The following SLC20A1 variants were observed in gnomAD, a reference collection of about 807,000 sequenced individuals.
The protein encoded by SLC20A1 is solute carrier family 20 member 1.
In SLC20A1, 28 loss-of-function variants were observed where a neutral mutation model predicts 62.7. The ratio of observed to expected loss-of-function variants is 0.45; its 90% CI spans 0.33 to 0.61. SLC20A1 has a LOEUF of 0.61. Ranked by LOEUF, SLC20A1 falls within the 20% of genes least tolerant of loss-of-function variation. SLC20A1 has a pLI of 0.02. For missense variants in SLC20A1, 673 were observed against 838.6 expected (o/e 0.80, Z 2.44); for synonymous variants, 305 against 302.9 (o/e 1.01, Z -0.07).
chr2:112,662,954 A>G lies in SLC20A1; in HGVS notation c.1969A>G (p.Thr657Ala). ...TAACATTTTTATGGCCTGGTTTGTC[A>G]CAGTCCCCATTTCTGGAGTTATCAG... ...FRNIFMAWFV[T>A]VPISGVISAA... The change falls in exon 11 of 11, where the codon ACA becomes GCA. Residue 657 changes from threonine to alanine, a missense_variant. Transcript: ENST00000272542. 1 of 1,614,090 alleles carries G rather than the reference A, an allele frequency of 6.2e-7. No homozygotes were observed. The highest frequency in any genetic ancestry group is 8.5e-7 in the Non-Finnish European group (1 of 1,179,996).
At position 112,647,474 on chromosome 2, in the gene SLC20A1, A is replaced by G. The variant is rs1237753048; in HGVS notation, c.475+10A>G. 1 of 1,606,470 alleles carries G rather than the reference A, an allele frequency of 6.2e-7. No homozygotes were observed. The highest frequency in any genetic ancestry group is 1.1e-5 in the South Asian group (1 of 89,436). ...GAACTGATAAAAATTGGTATGTTTA[A>G]TTCCAAACGGCTTCTTAATTTTCGT... On this transcript the variant is annotated intron_variant, in intron 3 of 10. Coordinates refer to ENST00000272542, the MANE Select transcript of SLC20A1 (RefSeq NM_005415.5).
intron 5 of SLC20A1, among the ~76,000 whole-genome samples, chr2:112,656,739 T>C (rs1258891045): frequency 1.8e-5 from 1 of 57,120 alleles, no homozygotes; most frequent in Non-Finnish European, 4.6e-5. Flanking sequence ...TAATGGAATA[T>C]GTGGCAGTTA....
chr2:112,647,188 C>T (rs1176965548), intron 2 of SLC20A1, 26 bp downstream of exon 2: 3 of 1,599,916 alleles, frequency 1.9e-6, no homozygotes, highest in African/African-American at 1.3e-5. Context: ...GTTTTGTCCT[C>T]TTCGTGGTGG....
In SLC20A1 at chr2:112,658,824, G is replaced by T; in HGVS notation, c.779-1G>T. On this transcript the variant is annotated splice_acceptor_variant, in intron 6 of 10. Coordinates refer to ENST00000272542, the MANE Select transcript of SLC20A1 (RefSeq NM_005415.5). LOFTEE classifies it high-confidence loss of function. The stretch of plus-strand genomic sequence containing the variant: ...AAAAAGACCCCCCTTTTTTTTCCTA[G>T]GAGAAATAAAGTGTAGTCCTTCTGA... 2 of 1,581,652 alleles carry T rather than the reference G, an allele frequency of 1.3e-6. No homozygotes were observed. The highest frequency in any genetic ancestry group is 1.9e-5 in the Admixed American group (1 of 53,318).
In SLC20A1 at chr2:112,646,975, T is replaced by A; in HGVS notation, c.147T>A (p.Gly49=). ...CCAATGATGTAGCAAATTCTTTTGG[T>A]ACAGCTGTGGGCTCAGGTGTAGTGA... The part of the protein sequence containing the change: ...VGANDVANSF[G]TAVGSGVVTL... The change falls in exon 2 of 11, where the codon GGT becomes GGA. Residue 49 remains glycine, a synonymous_variant. Coordinates refer to ENST00000272542, the MANE Select transcript of SLC20A1 (RefSeq NM_005415.5). The A allele has an allele frequency of 6.2e-7, 1 of 1,614,178 alleles. No individual in the cohort carries two copies. The highest frequency in any genetic ancestry group is 8.5e-7 in the Non-Finnish European group (1 of 1,180,040).
chr2:112,657,056 G>T, intron 5 of SLC20A1, 66 bp from the exon 6 acceptor site: 1 of 1,599,796 alleles, frequency 6.3e-7, no homozygotes, highest in South Asian at 1.1e-5. Context: ...CCCAGAGGAG[G>T]GTTTACACAA....
chr2:112,649,244 A>G (rs553267936), intron 4 of SLC20A1, among the ~76,000 whole-genome samples: 1 of 152,310 alleles, frequency 6.6e-6, no homozygotes, highest in African/African-American at 2.4e-5. Context: ...TCTTAATTGT[A>G]TATTTCCTAT....
At position 112,648,726 on chromosome 2, in the gene SLC20A1, G is replaced by A. The variant is rs1574179383; in HGVS notation, c.561+988G>A. 2.0e-5 allele frequency among the ~76,000 whole-genome samples: 3 copies of A among 152,212 alleles called. No homozygotes were observed. In the South Asian group the frequency reaches 6.2e-4, roughly 32 times the overall value. ...TAGCAGTTTAACACTTTGAAAACTT[G>A]AAATATCTTTAGCCTGGTATAATAT... On this transcript the variant is annotated intron_variant, in intron 4 of 10. Transcript: ENST00000272542.
chr2:112,657,861 CCA>C (rs1686635051), intron 6 of SLC20A1, among the ~76,000 whole-genome samples: 1 of 152,200 alleles, frequency 6.6e-6, no homozygotes, highest in South Asian at 2.1e-4. Context: ...TAGGCCATTA[CCA>C]CACACTCATG....
Position 112,662,862 on chromosome 2 carries a change from A to C in SLC20A1, c.1879-2A>C, listed in dbSNP as rs1260237169. ...TGTTTCCTTGGTCTGCTTCTCTTCT[A>C]GGTGGGCTCTGTTGTGTCTGTTGGC... is the stretch of plus-strand genomic sequence containing the variant. On this transcript the variant is annotated splice_acceptor_variant, in intron 10 of 10. Transcript: ENST00000272542. LOFTEE classifies it high-confidence loss of function. 3.1e-6 allele frequency: 5 copies of C among 1,611,572 alleles called. No homozygotes were observed. In the Admixed American group the frequency reaches 5.1e-5, roughly 16 times the overall value.
Position 112,663,078 on chromosome 2 carries a change from C to T in SLC20A1, c.*53C>T. ...ATGTTTGGGACCATCTTAGGTATTC[C>T]TGCTCCCCTGAAGAATGATTACAGT... On this transcript the variant is annotated 3_prime_UTR_variant, in exon 11 of 11. Coordinates refer to ENST00000272542, the MANE Select transcript of SLC20A1 (RefSeq NM_005415.5). The T allele has an allele frequency of 6.3e-7, 1 of 1,578,870 alleles. No individual in the cohort carries two copies. The highest frequency in any genetic ancestry group is 8.7e-7 in the Non-Finnish European group (1 of 1,148,674).
At chr2:112,647,865 T>C in intron 4 of SLC20A1, 127 bp downstream of exon 4, 1 of 754,584 alleles carries the variant, frequency 1.3e-6, no homozygotes, top group Non-Finnish European at 2.3e-6. Context: ...AAAAGCTCTT[T>C]GTTCTGTGCA....
chr2:112,646,210 C>T (rs1313738450), intron 1 of SLC20A1, 81 bp downstream of exon 1: 1 of 152,140 alleles, frequency 6.6e-6, no homozygotes, highest in Non-Finnish European at 1.5e-5. Flanking sequence ...GAGGCGGACG[C>T]CGTGGGCGGC....
rs760656466 is a variant in SLC20A1, at chr2:112,652,770, C to G, written c.630C>G (p.Leu210=). ...VFYACTVGIN[L]FSIMYTGAPL... ...ATGCCTGCACAGTTGGAATAAACCT[C>G]TTTTCCATCATGTATACTGGAGCAC... The change falls in exon 5 of 11, where the codon CTC becomes CTG. Residue 210 remains leucine, a synonymous_variant. Coordinates refer to ENST00000272542, the MANE Select transcript of SLC20A1 (RefSeq NM_005415.5). 3 of 1,614,018 alleles carry G rather than the reference C, an allele frequency of 1.9e-6. No homozygotes were observed. The highest frequency in any genetic ancestry group is 1.7e-5 in the Admixed American group (1 of 60,030).
chr2:112,652,720 G>C lies in SLC20A1; in HGVS notation c.580G>C (p.Gly194Arg). 6.2e-7 allele frequency: 1 copy of C among 1,614,010 alleles called. No individual in the cohort carries two copies. The highest frequency in any genetic ancestry group is 8.5e-7 in the Non-Finnish European group (1 of 1,179,922). The part of the protein sequence containing the change: ...ILHKADPVPN[G>R]LRALPVFYAC... Reference sequence around the variant, plus strand: ...TTTACAGGCAGATCCAGTTCCTAATGGTTTGCGAGCTTTGCCAGTTTTCTA... The same window carrying C: ...TTTACAGGCAGATCCAGTTCCTAATCGTTTGCGAGCTTTGCCAGTTTTCTA... Residue 194 changes from glycine (G) to arginine (R), a missense_variant, in exon 5 of 11, where the codon GGT becomes CGT. Coordinates refer to ENST00000272542, the MANE Select transcript of SLC20A1 (RefSeq NM_005415.5).
rs187861789 is a variant in SLC20A1, at chr2:112,662,844, T to A, written c.1879-20T>A. 1 of 1,611,732 alleles carries A rather than the reference T, an allele frequency of 6.2e-7. No individual in the cohort carries two copies. On this transcript the variant is annotated intron_variant, in intron 10 of 10. Transcript: ENST00000272542. ...ACTGGCACTTCAATAACCTGTTTCC[T>A]TGGTCTGCTTCTCTTCTAGGTGGGC... is the stretch of plus-strand genomic sequence containing the variant.
chr2:112,654,434 C>T (rs1686529646), intron 5 of SLC20A1, among the ~76,000 whole-genome samples: 1 of 152,134 alleles, frequency 6.6e-6, no homozygotes, highest in Admixed American at 6.5e-5. Flanking sequence ...TTCGTTGTGT[C>T]CTTTATGGAT....
At chr2:112,656,439 G>T (rs890981925) in intron 5 of SLC20A1, among the ~76,000 whole-genome samples, 1 of 151,934 alleles carries the variant, frequency 6.6e-6, no homozygotes. Flanking sequence ...GACCTCAAGT[G>T]ATCTGCCTGC....
chr2:112,647,782 C>T (rs762665007), intron 4 of SLC20A1, 44 bp downstream of exon 4: 1 of 1,446,148 alleles, frequency 6.9e-7, no homozygotes, highest in South Asian at 1.1e-5. Flanking sequence ...GGAGCACACC[C>T]AATCGATTTC....
Sources: allele counts gnomAD v4.1 joint callset (sites outside exome capture counted in the v4.1 genomes callset), GRCh38; gene constraint gnomAD v4.1.1; transcripts MANE v1.5; gene names NCBI Gene and HGNC (gene_info 2026-07-23, HGNC 2026-07-21).